SNX29: variants seen among roughly 807,000 people sequenced by gnomAD.
The protein encoded by SNX29 is sorting nexin 29.
SNX29 carries 78 observed loss-of-function variants against 102.1 expected under a neutral mutation model. That is an observed-to-expected ratio of 0.76 (90% CI 0.64 to 0.92). SNX29 has a LOEUF of 0.92. Among genes scored for constraint, SNX29 ranks in the 40% least tolerant of loss-of-function variants. The pLI, the probability that SNX29 is intolerant of heterozygous loss-of-function variation, is 0.00. For missense variants in SNX29, 1,280 were observed against 1,061.7 expected (o/e 1.21, Z -2.86); for synonymous variants, 580 against 414.5 (o/e 1.40, Z -4.85).
At chr16:12,035,532 C>T (rs546137087) in intron 4 of SNX29, among the ~76,000 whole-genome samples, 4 of 152,342 alleles carry the variant, frequency 2.6e-5, no homozygotes, top group African/African-American at 9.6e-5. Context: ...GCACTCTGCT[C>T]TGCCAATCCA....
chr16:12,183,472 C>T (rs1282668384), intron 13 of SNX29, among the ~76,000 whole-genome samples: 2 of 151,866 alleles, frequency 1.3e-5, no homozygotes, highest in Admixed American at 6.6e-5. Flanking sequence ...CACAAACATA[C>T]AGAGATACAT....
At position 12,003,026 on chromosome 16, in the gene SNX29, C is replaced by G; in HGVS notation, c.105C>G (p.Ala35=). 2 of 1,614,180 alleles carry G rather than the reference C, an allele frequency of 1.2e-6. No individual in the cohort carries two copies. The highest frequency in any genetic ancestry group is 1.7e-5 in the Admixed American group (1 of 60,002). The change falls in exon 3 of 21, where the codon GCC becomes GCG. Residue 35 remains alanine (A), a synonymous_variant. Transcript: ENST00000566228. ...GCTTTGGAGGGAGAAAGGAGATTGC[C>G]TCGGATTCCGACAGCAGGTAAATAT... ...QIRFGGRKEI[A]SDSDSRVTCL... is the part of the protein sequence containing the mutation.
chr16:12,198,495 G>C (rs183006305), intron 13 of SNX29, among the ~76,000 whole-genome samples: 5 of 152,134 alleles, frequency 3.3e-5, no homozygotes, highest in African/African-American at 1.2e-4. Context: ...CCAGTCTTCA[G>C]CTCTTCTCGT....
intron 19 of SNX29, among the ~76,000 whole-genome samples, chr16:12,510,024 T>C (rs2089543015): frequency 6.6e-6 from 1 of 152,244 alleles, no homozygotes; most frequent in African/African-American, 2.4e-5. Context: ...TTCTTTGGCT[T>C]GGTTCGCCCA....
At chr16:12,556,839 T>C (rs1187545719) in intron 20 of SNX29, among the ~76,000 whole-genome samples, 1 of 151,952 alleles carries the variant, frequency 6.6e-6, no homozygotes, top group Non-Finnish European at 1.5e-5. Context: ...AACAGAAGTT[T>C]GATGGTGGAA....
chr16:12,569,695 G>A lies in SNX29; in HGVS notation c.*1066G>A, dbSNP rs545520560. On this transcript the variant is annotated 3_prime_UTR_variant, in exon 21 of 21. Coordinates refer to ENST00000566228, the MANE Select transcript of SNX29 (RefSeq NM_032167.5). ...CTCTCAGAGTACAGGGACCTTGGCA[G>A]GTGGAGAGGAGGATGGGGACCAGCA... 2 of 230,306 alleles carry A rather than the reference G, an allele frequency of 8.7e-6. No homozygotes were observed. The highest frequency in any genetic ancestry group is 4.4e-5 in the African/African-American group (2 of 45,170). The allele number at this position is 230,306 out of a possible 1,614,324, so 14.3% of individuals were successfully genotyped here.
intron 20 of SNX29, among the ~76,000 whole-genome samples, chr16:12,564,783 A>T (rs528943448): frequency 6.6e-6 from 1 of 151,938 alleles, no homozygotes; most frequent in East Asian, 1.9e-4. Context: ...GATTGCAGCC[A>T]GCTAAGAAAT....
chr16:12,150,734 T>G (rs947673101), intron 13 of SNX29, among the ~76,000 whole-genome samples: 2 of 152,160 alleles, frequency 1.3e-5, no homozygotes, highest in Non-Finnish European at 2.9e-5. Context: ...GAGGAGGAAG[T>G]TGTCTTTGGG....
Position 12,573,735 on chromosome 16 carries a change from C to G in SNX29, c.*5106C>G, listed in dbSNP as rs1269543375. On this transcript the variant is annotated 3_prime_UTR_variant, in exon 21 of 21. Transcript: ENST00000566228. ...GTAGCACACGGAATGGTGGATCGTA[C>G]ATTTGCACCCAGAGCTACTAAACGC... 1.3e-5 allele frequency: 3 copies of G among 222,912 alleles called. No individual in the cohort carries two copies. The highest frequency in any genetic ancestry group is 3.7e-4 in the South Asian group (2 of 5,428). 13.8% of individuals were successfully genotyped at this position (222,912 alleles called of 1,614,324 possible). A position where few individuals can be genotyped will look rare whatever the true frequency, so the allele number is the denominator to read the frequency against.
chr16:12,570,447 A>C lies in SNX29; in HGVS notation c.*1818A>C, dbSNP rs2079163380. On this transcript the variant is annotated 3_prime_UTR_variant, in exon 21 of 21. Coordinates refer to ENST00000566228, the MANE Select transcript of SNX29 (RefSeq NM_032167.5). ...AACTCTAAATAGAGAGCCCTAATGG[A>C]CTGAGGCAGGAAACGTCTAAAAGCT... 2 of 241,206 alleles carry C rather than the reference A, an allele frequency of 8.3e-6. No homozygotes were observed. The highest frequency in any genetic ancestry group is 1.6e-5 in the Non-Finnish European group (2 of 125,600). The allele number at this position is 241,206 out of a possible 1,614,324, so 14.9% of individuals were successfully genotyped here. A position where few individuals can be genotyped will look rare whatever the true frequency, so the allele number is the denominator to read the frequency against.
At chr16:12,451,602 G>T (rs182590089) in intron 18 of SNX29, among the ~76,000 whole-genome samples, 1 of 152,214 alleles carries the variant, frequency 6.6e-6, no homozygotes, top group Non-Finnish European at 1.5e-5. Flanking sequence ...GGTGGCTCAC[G>T]CCTGTAATCC....
intron 18 of SNX29, among the ~76,000 whole-genome samples, chr16:12,448,827 C>G (rs1328418268): frequency 6.6e-6 from 1 of 152,186 alleles, no homozygotes; most frequent in Non-Finnish European, 1.5e-5. Flanking sequence ...GCCTTGCATC[C>G]AGCTCTACCC....
At chr16:12,567,298 C>T (rs150723475) in intron 20 of SNX29, among the ~76,000 whole-genome samples, 2 of 150,790 alleles carry the variant, frequency 1.3e-5, no homozygotes, top group Non-Finnish European at 2.9e-5. Flanking sequence ...ATCCAGCAAG[C>T]CACAGCAGCA....
At chr16:12,097,793 G>A (rs890076768) in intron 11 of SNX29, among the ~76,000 whole-genome samples, 4 of 152,206 alleles carry the variant, frequency 2.6e-5, no homozygotes, top group African/African-American at 9.7e-5. Flanking sequence ...CTCGCTCAGG[G>A]GATGAGACGC....
At chr16:12,049,175 CTA>C (rs1006108098) in intron 7 of SNX29, among the ~76,000 whole-genome samples, 73 of 152,192 alleles carry the variant, frequency 4.8e-4, no homozygotes, top group African/African-American at 1.7e-3. Context: ...AGGTTTGACT[CTA>C]GGCTCTGGGG....
At chr16:12,423,894 G>A (rs1294703877) in intron 18 of SNX29, among the ~76,000 whole-genome samples, 7 of 152,206 alleles carry the variant, frequency 4.6e-5, no homozygotes, top group African/African-American at 1.7e-4. Context: ...TAAGAAGAGT[G>A]CATGTCAGGG....
At chr16:12,208,843 TA>T (rs34312513) in intron 14 of SNX29, among the ~76,000 whole-genome samples, 113,701 of 144,024 alleles carry the variant, frequency 0.79, 46,745 homozygotes, top group Non-Finnish European at 0.92. Flanking sequence ...CATGTCTCTT[TA>T]AAAAAAAAAA....
At chr16:11,986,600 C>G (rs2055637764) in intron 1 of SNX29, among the ~76,000 whole-genome samples, 1 of 152,222 alleles carries the variant, frequency 6.6e-6, no homozygotes, top group Non-Finnish European at 1.5e-5. Context: ...CGTTCCTTCT[C>G]TTCACGATTC....
intron 20 of SNX29, chr16:12,526,429 T>C (rs2076785164): frequency 2.5e-6 from 1 of 396,484 alleles, no homozygotes; most frequent in Non-Finnish European, 4.9e-6. Context: ...TGTTCCGGGG[T>C]TTTTGTGAGA....
Sources: gnomAD v4.1 joint callset for allele counts (sites outside exome capture counted in the v4.1 genomes callset) on GRCh38, gnomAD v4.1.1 for gene constraint, MANE v1.5 for transcripts, NCBI Gene and HGNC (gene_info 2026-07-23, HGNC 2026-07-21) for gene names.